The following UBN1 variants were observed in gnomAD, a reference collection of about 807,000 sequenced individuals.
The protein encoded by UBN1 is ubinuclein 1.
Under a neutral mutation model 108.5 loss-of-function variants are expected in UBN1, and 17 were observed. The ratio of observed to expected loss-of-function variants is 0.16; its 90% CI spans 0.11 to 0.24. UBN1 has a LOEUF of 0.24. Ranked by LOEUF, UBN1 falls within the 10% of genes least tolerant of loss-of-function variation. The pLI is 1.00. For synonymous variants in UBN1, 726 were observed against 564.2 expected, an observed-to-expected ratio of 1.29 and a Z score of -4.07; for missense variants, 1,595 against 1,394.4, an observed-to-expected ratio of 1.14 and a Z score of -2.29.
At chr16:4,857,204 G>A (rs1160782294) in intron 2 of UBN1, among the ~76,000 whole-genome samples, 2 of 151,712 alleles carry the variant, frequency 1.3e-5, no homozygotes, top group African/African-American at 4.8e-5. Flanking sequence ...AAAAAATTTA[G>A]CTAGGCATAG....
Position 4,870,863 on chromosome 16 carries a change from G to A in UBN1, c.1450G>A (p.Asp484Asn). 1 of 1,614,052 alleles carries A rather than the reference G, an allele frequency of 6.2e-7. No individual in the cohort carries two copies. The highest frequency in any genetic ancestry group is 8.5e-7 in the Non-Finnish European group (1 of 1,179,972). Residue 484 changes from aspartate (D) to asparagine (N), a missense_variant, in exon 11 of 18, where the codon GAC becomes AAC. Physicochemically the swap from Asp to Asn is conservative, Grantham distance 23. Transcript: ENST00000262376. ...KVAKMLEEEK[D>N]KEQRDRICSD... ...CCGTAGGATGCTGGAAGAGGAGAAA[G>A]ACAAGGAGCAGAGGGACCGGATTTG... is the stretch of plus-strand genomic sequence containing the variant.
chr16:4,863,379 T>C (rs1364490874), intron 7 of UBN1, among the ~76,000 whole-genome samples: 1 of 152,146 alleles, frequency 6.6e-6, no homozygotes, highest in African/African-American at 2.4e-5. Context: ...CTGATCCCAC[T>C]GAGAATCTGC....
intron 1 of UBN1, among the ~76,000 whole-genome samples, chr16:4,851,119 G>C (rs2142104368): frequency 6.6e-6 from 1 of 152,302 alleles, no homozygotes; most frequent in African/African-American, 2.4e-5. Context: ...ATTGATGCTG[G>C]AAGAAACCAA....
Position 4,877,172 on chromosome 16 carries a change from T to C in UBN1, c.3265+61T>C. ...ACCTCTAGATTGTGGCCAGGGGTCC[T>C]GCTGTTGTGTACTCTGGTTCCTGTG... On this transcript the variant is annotated intron_variant, in intron 16 of 17. Transcript: ENST00000262376. This position sits in a 1 kb window ranked among gnomAD's most constrained non-coding sequence, Gnocchi z 4.3. The C allele has an allele frequency of 1.3e-6, 2 of 1,544,132 alleles. No homozygotes were observed. The highest frequency in any genetic ancestry group is 1.7e-6 in the Non-Finnish European group (2 of 1,149,784).
chr16:4,865,554 C>T (rs1041388604), intron 7 of UBN1, among the ~76,000 whole-genome samples: 1 of 152,006 alleles, frequency 6.6e-6, no homozygotes, highest in Non-Finnish European at 1.5e-5. Context: ...AGCTGTAGTC[C>T]CAGCTGCTTG....
Position 4,847,611 on chromosome 16 carries a change from G to C in UBN1, c.-639G>C. On this transcript the variant is annotated 5_prime_UTR_variant, in exon 1 of 18. Transcript: ENST00000262376. ...GCGGCTCGCCCCGCCCCCGGGTCTTGGACTCCGCGCCCCTCCCCTCTCGGC... is the reference window on the plus strand; with the variant it reads ...GCGGCTCGCCCCGCCCCCGGGTCTTCGACTCCGCGCCCCTCCCCTCTCGGC... 1 of 316,830 alleles carries C rather than the reference G, an allele frequency of 3.2e-6. No individual in the cohort carries two copies. The highest frequency in any genetic ancestry group is 5.8e-6 in the Non-Finnish European group (1 of 172,268). 19.6% of individuals were successfully genotyped at this position (316,830 alleles called of 1,614,324 possible).
chr16:4,851,343 G>A (rs1294130456), intron 1 of UBN1, among the ~76,000 whole-genome samples: 1 of 152,170 alleles, frequency 6.6e-6, no homozygotes, highest in East Asian at 1.9e-4. Context: ...CCAACTACTA[G>A]GGAGGCTGAG....
intron 7 of UBN1, among the ~76,000 whole-genome samples, chr16:4,863,669 G>C (rs1454090863): frequency 6.6e-6 from 1 of 151,886 alleles, no homozygotes; most frequent in East Asian, 1.9e-4. Context: ...CTTGGCCCTA[G>C]GTGACACACA....
Position 4,874,849 on chromosome 16 carries a change from G to A in UBN1, c.2439G>A (p.Gln813=), listed in dbSNP as rs774778011. Residue 813 remains glutamine, a synonymous_variant, in exon 15 of 18, where the codon CAG becomes CAA. Coordinates refer to ENST00000262376, the MANE Select transcript of UBN1 (RefSeq NM_001079514.3). ...AAGTCTTTCATGCCGGCACTCAGCA[G>A]CAGAAAAACTTCACGCCCCCATCTC... ...QVKVFHAGTQ[Q]QKNFTPPSPF... is the part of the protein sequence containing the mutation. 6.2e-7 allele frequency: 1 copy of A among 1,614,058 alleles called. No individual in the cohort carries two copies. Among genetic ancestry groups the A allele is most frequent in the East Asian group, 2.2e-5 (1 of 44,874 alleles).
chr16:4,876,302 T>C (rs1371017320), intron 15 of UBN1, among the ~76,000 whole-genome samples: 1 of 152,158 alleles, frequency 6.6e-6, no homozygotes, highest in Non-Finnish European at 1.5e-5. Flanking sequence ...GACAAAACCA[T>C]AGAAAGGTCT....
At chr16:4,857,022 G>C (rs115174695) in intron 2 of UBN1, among the ~76,000 whole-genome samples, 25 of 152,076 alleles carry the variant, frequency 1.6e-4, no homozygotes, top group East Asian at 5.8e-4. Flanking sequence ...AACATACTTC[G>C]TACAGGAGTC....
At chr16:4,867,861 G>A (rs111481160) in intron 7 of UBN1, among the ~76,000 whole-genome samples, 1 of 152,104 alleles carries the variant, frequency 6.6e-6, no homozygotes, top group African/African-American at 2.4e-5. Context: ...GTTTGCTGTC[G>A]TTACTGTATA....
At chr16:4,859,623 A>G (rs908632481) in intron 5 of UBN1, among the ~76,000 whole-genome samples, 1 of 152,178 alleles carries the variant, frequency 6.6e-6, no homozygotes, top group Non-Finnish European at 1.5e-5. Context: ...TAACTTTCAA[A>G]CTACAAAGGT....
intron 7 of UBN1, among the ~76,000 whole-genome samples, chr16:4,864,742 C>T (rs1003287435): frequency 3.3e-5 from 5 of 152,032 alleles, no homozygotes; most frequent in African/African-American, 1.2e-4. Flanking sequence ...AACATAGAGA[C>T]AATACTAAGA....
At chr16:4,878,756 A>G (rs1048799911) in intron 17 of UBN1, among the ~76,000 whole-genome samples, 5 of 152,228 alleles carry the variant, frequency 3.3e-5, no homozygotes, top group Non-Finnish European at 5.9e-5. Flanking sequence ...ATCACCTGTA[A>G]TCCCAGCACT....
At chr16:4,866,633 C>T (rs900812813) in intron 7 of UBN1, among the ~76,000 whole-genome samples, 4 of 152,232 alleles carry the variant, frequency 2.6e-5, no homozygotes, top group African/African-American at 9.6e-5. Context: ...CCACCTCAGC[C>T]TCCAGAGTAG....
intron 6 of UBN1, among the ~76,000 whole-genome samples, chr16:4,860,343 G>T (rs1309700601): frequency 1.3e-5 from 2 of 152,208 alleles, no homozygotes; most frequent in Non-Finnish European, 2.9e-5. Context: ...GTTCTCTGCT[G>T]CTCCTGCTTT....
chr16:4,864,075 C>CTT (rs796516323), intron 7 of UBN1, among the ~76,000 whole-genome samples: 3,238 of 86,388 alleles, frequency 0.037, 171 homozygotes, highest in African/African-American at 0.083. Flanking sequence ...TTGTTGTTGC[C>CTT]TTTTTTTTTT....
chr16:4,876,342 C>T (rs2087882653), intron 15 of UBN1, among the ~76,000 whole-genome samples: 1 of 152,162 alleles, frequency 6.6e-6, no homozygotes, highest in Non-Finnish European at 1.5e-5. Context: ...TTCCTGCACC[C>T]ACCACCTCTG....
Sources: gnomAD v4.1 joint callset for allele counts (sites outside exome capture counted in the v4.1 genomes callset) on GRCh38, gnomAD v4.1.1 for gene constraint, Gnocchi (gnomAD v3.1) non-coding constraint, MANE v1.5 for transcripts, NCBI Gene and HGNC (gene_info 2026-07-23, HGNC 2026-07-21) for gene names.